Variants in BICDL1 observed in about 807,000 individuals in gnomAD.
BICDL1 encodes BICD family like cargo adaptor 1.
A neutral mutation model predicts 76.8 loss-of-function variants in BICDL1; 20 were observed. The ratio of observed to expected loss-of-function variants is 0.26; its 90% CI spans 0.18 to 0.38. BICDL1 has a LOEUF of 0.38. BICDL1 is among the 10% of genes least tolerant of loss of function. The pLI is 1.00. For synonymous variants in BICDL1, 383 were observed against 337.1 expected (o/e 1.14, Z -1.49); for missense variants, 700 against 798.6 (o/e 0.88, Z 1.49).
intron 2 of BICDL1, among the ~76,000 whole-genome samples, chr12:120,047,056 C>G (rs1369482278): frequency 2.6e-5 from 4 of 151,972 alleles, no homozygotes; most frequent in Admixed American, 6.6e-5. Context: ...TGATAGTTAC[C>G]GAAAGGATAA....
chr12:120,059,132 G>C (rs1953048427), intron 2 of BICDL1, among the ~76,000 whole-genome samples: 2 of 151,462 alleles, frequency 1.3e-5, no homozygotes, highest in South Asian at 4.2e-4. Flanking sequence ...GTCTTGCTCT[G>C]TTGCCCAGGC....
At chr12:120,031,277 C>T (rs951219854) in intron 2 of BICDL1, among the ~76,000 whole-genome samples, 1 of 149,582 alleles carries the variant, frequency 6.7e-6, no homozygotes, top group Admixed American at 6.7e-5. Context: ...AATCTCAGCT[C>T]ACTGCAAGCT....
In BICDL1 at chr12:119,990,226, C is replaced by G. The variant is rs948658982; in HGVS notation, c.358C>G (p.Leu120Val). 3.2e-6 allele frequency: 5 copies of G among 1,574,226 alleles called. No individual in the cohort carries two copies. Among genetic ancestry groups the G allele is most frequent in the Non-Finnish European group, 4.3e-6 (5 of 1,160,836 alleles). Residue 120 changes from leucine (L) to valine (V), a missense_variant, in exon 1 of 10, where the codon CTG (leucine) becomes GTG (valine). Leu to Val is a conservative substitution (Grantham distance 32). This residue lies in a region of BICDL1 where 225 missense variants were observed against 199.6 expected (regional missense o/e 1.13). Coordinates refer to ENST00000548673, the MANE Select transcript of BICDL1 (RefSeq NM_001367886.1). ...GTTGGCGGCCCGGCTGGGTAAGGCG[C>G]TGCTCGAGAGGAACCAGGACATGAG... is the stretch of plus-strand genomic sequence containing the variant. ...LVLAARLGKA[L>V]LERNQDMSRQ...
intron 2 of BICDL1, among the ~76,000 whole-genome samples, chr12:120,019,932 T>A (rs1369250236): frequency 6.6e-6 from 1 of 152,188 alleles, no homozygotes; most frequent in Non-Finnish European, 1.5e-5. Flanking sequence ...GCAGCTGTGA[T>A]GAAGAACCAG....
At chr12:120,012,356 C>T (rs1049679249) in intron 2 of BICDL1, among the ~76,000 whole-genome samples, 12 of 152,184 alleles carry the variant, frequency 7.9e-5, no homozygotes, top group African/African-American at 2.7e-4. Flanking sequence ...TTCTGTAATT[C>T]TCCACGAATA....
At chr12:120,004,732 T>C (rs2138637366) in intron 2 of BICDL1, among the ~76,000 whole-genome samples, 1 of 152,370 alleles carries the variant, frequency 6.6e-6, no homozygotes. Flanking sequence ...GGTCGGCTTC[T>C]TAAGGAACTT....
chr12:120,013,157 A>G (rs1951987504), intron 2 of BICDL1, among the ~76,000 whole-genome samples: 1 of 151,736 alleles, frequency 6.6e-6, no homozygotes, highest in South Asian at 2.1e-4. Flanking sequence ...CTAAAAATAC[A>G]AAAAAAATTA....
At chr12:120,059,099 T>A (rs961476305) in intron 2 of BICDL1, among the ~76,000 whole-genome samples, 12 of 152,076 alleles carry the variant, frequency 7.9e-5, no homozygotes, top group South Asian at 2.1e-4. Flanking sequence ...TAATTTTTTT[T>A]AATTTTTTCT....
intron 8 of BICDL1, among the ~76,000 whole-genome samples, chr12:120,082,585 T>TTTTG (rs771956557): frequency 2.0e-5 from 3 of 151,236 alleles, no homozygotes; most frequent in African/African-American, 4.9e-5. Context: ...TTTTGTGTTT[T>TTTTG]TTTGTTTGTT....
chr12:120,092,785 A>G (rs1875091583), intron 9 of BICDL1: 1 of 985,304 alleles, frequency 1.0e-6, no homozygotes, highest in Non-Finnish European at 1.2e-6. Flanking sequence ...AACCCAGCCC[A>G]AGCCTGAGGA....
intron 2 of BICDL1, among the ~76,000 whole-genome samples, chr12:120,017,157 A>G (rs1289467132): frequency 2.0e-5 from 3 of 152,214 alleles, no homozygotes; most frequent in Non-Finnish European, 4.4e-5. Flanking sequence ...TGGCCTCCCA[A>G]AGTGCTGGAA....
intron 9 of BICDL1, chr12:120,091,522 C>A: frequency 1.0e-6 from 1 of 982,702 alleles, no homozygotes; most frequent in Non-Finnish European, 1.2e-6. Context: ...TAAGGAGGGA[C>A]CGTGTGTTGG....
intron 2 of BICDL1, among the ~76,000 whole-genome samples, chr12:120,004,229 C>A (rs7298727): frequency 6.6e-6 from 1 of 152,248 alleles, no homozygotes; most frequent in Non-Finnish European, 1.5e-5. Flanking sequence ...CCAGAGCCCC[C>A]TCCATTTATC....
intron 9 of BICDL1, chr12:120,092,630 C>T: frequency 1.0e-6 from 1 of 985,422 alleles, no homozygotes; most frequent in East Asian, 1.1e-4. Context: ...CCGGAGGCAC[C>T]AGCCAGGCCC....
chr12:120,030,999 C>T (rs1415704832), intron 2 of BICDL1, among the ~76,000 whole-genome samples: 12 of 152,112 alleles, frequency 7.9e-5, no homozygotes, highest in Admixed American at 5.9e-4. Flanking sequence ...TGTGTTTAAC[C>T]TGTTTTGGTT....
At chr12:120,061,865 C>T in intron 3 of BICDL1, 39 bp downstream of exon 3, 1 of 1,467,844 alleles carries the variant, frequency 6.8e-7, no homozygotes, top group Non-Finnish European at 9.5e-7. Context: ...AGGTGGAGTG[C>T]TTTTCTCACT....
At position 120,002,396 on chromosome 12, in the gene BICDL1, T is replaced by C. The variant is rs992936914; in HGVS notation, c.645+3660T>C. ...GATACAACTCTTGGATGTTAATCAGTGCTGTCTGTGGGAGGTGTTCACAGT... is the reference window on the plus strand; with the variant it reads ...GATACAACTCTTGGATGTTAATCAGCGCTGTCTGTGGGAGGTGTTCACAGT... On this transcript the variant is annotated intron_variant, in intron 2 of 9. Coordinates refer to ENST00000548673, the MANE Select transcript of BICDL1 (RefSeq NM_001367886.1). Among the ~76,000 whole-genome samples the C allele has an allele frequency of 6.6e-5, 10 of 152,304 alleles. No homozygotes were observed. The East Asian group carries it at 1.5e-3, about 23-fold the overall frequency.
At position 120,093,998 on chromosome 12, in the gene BICDL1, C is replaced by T; in HGVS notation, c.*837C>T. On this transcript the variant is annotated 3_prime_UTR_variant, in exon 10 of 10. Transcript: ENST00000548673. ...CACCCCTCACATACATACATAATTT[C>T]TTGGCCTAGCCAAACAAGTCCAGGC... The T allele has an allele frequency of 2.9e-6, 1 of 349,658 alleles. No homozygotes were observed. Among genetic ancestry groups the T allele is most frequent in the Non-Finnish European group, 5.7e-6 (1 of 175,578 alleles). 21.7% of individuals were successfully genotyped at this position (349,658 alleles called of 1,614,324 possible). A position where few individuals can be genotyped will look rare whatever the true frequency, so the allele number is the denominator to read the frequency against.
At chr12:120,051,393 G>T (rs1952856908) in intron 2 of BICDL1, among the ~76,000 whole-genome samples, 1 of 152,120 alleles carries the variant, frequency 6.6e-6, no homozygotes, top group African/African-American at 2.4e-5. Context: ...TAGCAGCGTT[G>T]TCTTATAGTC....
Sources: gnomAD v4.1 joint callset for allele counts (sites outside exome capture counted in the v4.1 genomes callset) on GRCh38, gnomAD v4.1.1 for gene constraint, gnomAD v4.1.1 regional missense constraint, MANE v1.5 for transcripts, NCBI Gene and HGNC (gene_info 2026-07-23, HGNC 2026-07-21) for gene names.